Variants in PRH2 observed in about 807,000 individuals in gnomAD.
The protein encoded by PRH2 is proline rich protein HaeIII subfamily 2.
A neutral mutation model predicts 22.6 loss-of-function variants in PRH2; 19 were observed. That is an observed-to-expected ratio of 0.84 (90% confidence interval 0.59 to 1.23). The LOEUF (loss-of-function observed/expected upper bound fraction) is 1.23, where lower values mean the gene tolerates loss of function less well. Among genes scored for constraint, PRH2 ranks in the 50% most tolerant of loss-of-function variants. The pLI is 0.00. For synonymous variants in PRH2, 45 were observed against 72.0 expected (o/e 0.63, Z 1.90); for missense variants, 109 against 203.0 (o/e 0.54, Z 2.81).
chr12:10,929,334 G>T lies in PRH2; in HGVS notation c.61G>T (p.Glu21Ter), dbSNP rs748600441. The change falls in exon 1 of 4, where the codon GAA becomes TAA. Residue 21 changes from glutamate (E) to a stop codon, truncating the protein, a stop_gained. Transcript: ENST00000396400. LOFTEE classifies it high-confidence loss of function. ...CTTCAGCTCAGCTCAGGACTTAGAT[G>T]AAGGTAAGCCGAATTGGGGGAAGAT... ...LAFSSAQDLDEDVSQEDVPLV... is the reference protein window; with the variant it reads ...LAFSSAQDLD The T allele has an allele frequency of 5.6e-6, 9 of 1,614,040 alleles. No homozygotes were observed. Among genetic ancestry groups the T allele is most frequent in the South Asian group, 4.4e-5 (4 of 91,078 alleles).
chr12:10,930,549 G>A lies in PRH2; in HGVS notation c.101-113G>A, dbSNP rs191674512. 2.6e-6 allele frequency: 4 copies of A among 1,544,708 alleles called. No homozygotes were observed. The African/African-American group carries it at 5.5e-5, about 21-fold the overall frequency. On this transcript the variant is annotated intron_variant, in intron 2 of 3. Transcript: ENST00000396400. ...GCCTTGGGAAGGGGGGAGGTTGGGA[G>A]TTGAGAGGCAGGTCAGGGAGAGAGG...
At chr12:10,931,960 T>C (rs1693044662) in intron 3 of PRH2, among the ~76,000 whole-genome samples, 2 of 152,166 alleles carry the variant, frequency 1.3e-5, no homozygotes, top group African/African-American at 2.4e-5. Flanking sequence ...TTTCTGAAAA[T>C]AACCCTTAAC....
chr12:10,929,592 T>C (rs1468561830), intron 1 of PRH2, among the ~76,000 whole-genome samples: 1 of 152,108 alleles, frequency 6.6e-6, no homozygotes, highest in Non-Finnish European at 1.5e-5. Context: ...TATAGAGACA[T>C]GGGACTGCTG....
At chr12:10,930,332 T>C in intron 2 of PRH2, 28 bp downstream of exon 2, 3 of 1,602,880 alleles carry the variant, frequency 1.9e-6, no homozygotes, top group Non-Finnish European at 1.7e-6. Flanking sequence ...CTCAGTAAAC[T>C]CTGTCTCCAT....
chr12:10,930,168 T>G, intron 1 of PRH2, 101 bp from the exon 2 acceptor site: 3 of 1,347,048 alleles, frequency 2.2e-6, no homozygotes, highest in Non-Finnish European at 3.2e-6. Context: ...TCAAAGGGGA[T>G]GCACAGGGTG....
Position 10,930,314 on chromosome 12 carries a change from A to ATTT in PRH2, c.100+10_100+11insTTT. On this transcript the variant is annotated intron_variant, in intron 2 of 3. Transcript: ENST00000396400. ...CCCTTGGTAATATCAGGTAAATCCC[A>ATTT]ATAAATTCTCAGTAAACTCTGTCTC... The ATTT allele has an allele frequency of 6.2e-7, 1 of 1,609,916 alleles. No individual in the cohort carries two copies. Among genetic ancestry groups the ATTT allele is most frequent in the Non-Finnish European group, 8.5e-7 (1 of 1,176,204 alleles).
Position 10,933,524 on chromosome 12 carries a change from A to C in PRH2, c.*1317A>C, listed in dbSNP as rs1362143453. Among the ~76,000 whole-genome samples, 3 of 152,060 alleles carry C rather than the reference A, an allele frequency of 2.0e-5. No homozygotes were observed. Among genetic ancestry groups the C allele is most frequent in the African/African-American group, 7.2e-5 (3 of 41,438 alleles). ...ACAAATTAAAGTGATATATGAGTTA[A>C]ATGACCAAGCAGACTTGATTCCAGG... On this transcript the variant is annotated 3_prime_UTR_variant, in exon 4 of 4. Transcript: ENST00000396400.
At position 10,932,217 on chromosome 12, in the gene PRH2, CT is replaced by C; in HGVS notation, c.*19-4del. 1 of 436,098 alleles carries C rather than the reference CT, an allele frequency of 2.3e-6. No homozygotes were observed. The highest frequency in any genetic ancestry group is 4.7e-6 in the Non-Finnish European group (1 of 211,752). The allele number at this position is 436,098 out of a possible 1,614,324, so 27.0% of individuals were successfully genotyped here. A position where few individuals can be genotyped will look rare whatever the true frequency, so the allele number is the denominator to read the frequency against. Reference sequence around the variant, plus strand: ...AAGTCTTGCCTATAATCTTCCTTGTCTTTTTCAGGAAGTGAATAAGAAGATG... The same window carrying C: ...AAGTCTTGCCTATAATCTTCCTTGTCTTTTCAGGAAGTGAATAAGAAGATG... On this transcript the variant is annotated splice_polypyrimidine_tract_variant and splice_region_variant and intron_variant, in intron 3 of 3. Transcript: ENST00000396400.
chr12:10,930,929 GA>G lies in PRH2; in HGVS notation c.370del (p.Arg124GlyfsTer52). 1 of 1,607,866 alleles carries G rather than the reference GA, an allele frequency of 6.2e-7. No individual in the cohort carries two copies. Among genetic ancestry groups the G allele is most frequent in the Non-Finnish European group, 8.5e-7 (1 of 1,177,284 alleles). ...QQGGHPRPPR[G>X]RPQGPPQQGG... The stretch of plus-strand genomic sequence containing the variant: ...GGAGGCCATCCCCGTCCTCCTCGAG[GA>G]AGGCCACAAGGACCACCCCAACAGG... On this transcript the variant is annotated frameshift_variant, in exon 3 of 4. Coordinates refer to ENST00000396400, the MANE Select transcript of PRH2 (RefSeq NM_001110213.1). LOFTEE classifies it high-confidence loss of function.
In PRH2 at chr12:10,930,730, C is replaced by T. The variant is rs751293656; in HGVS notation, c.169C>T (p.Gln57Ter). The change falls in exon 3 of 4, where the codon CAA becomes TAA. Residue 57 changes from glutamine to a stop codon, truncating the protein, a stop_gained. Coordinates refer to ENST00000396400, the MANE Select transcript of PRH2 (RefSeq NM_001110213.1). LOFTEE classifies it high-confidence loss of function. ...QGPPLGGQQSQPSAGDGNQND... is the reference protein window; with the variant it reads ...QGPPLGGQQS ...ACCACCTTTGGGAGGACAGCAATCT[C>T]AACCCTCTGCTGGTGATGGGAACCA... 8.7e-6 allele frequency: 14 copies of T among 1,613,718 alleles called. No homozygotes were observed. Among genetic ancestry groups the T allele is most frequent in the Non-Finnish European group, 1.2e-5 (14 of 1,179,798 alleles).
rs185430491 is a variant in PRH2, at chr12:10,929,280, C to T, written c.7C>T (p.Leu3=). Reference sequence around the variant, plus strand: ...CACCAGAGCCTTCTGCAAGATGCTTCTGATTCTGCTGTCAGTGGCCCTGCT... The same window carrying T: ...CACCAGAGCCTTCTGCAAGATGCTTTTGATTCTGCTGTCAGTGGCCCTGCT... ML[L]ILLSVALLAF... The change falls in exon 1 of 4, where the codon CTG becomes TTG. Residue 3 remains leucine (L), a synonymous_variant. Transcript: ENST00000396400. 1.9e-5 allele frequency: 31 copies of T among 1,614,176 alleles called. No homozygotes were observed. The Admixed American group carries it at 4.3e-4, about 23-fold the overall frequency.
Position 10,934,542 on chromosome 12 carries a change from A to G in PRH2, c.*2335A>G, listed in dbSNP as rs1950259491. On this transcript the variant is annotated 3_prime_UTR_variant, in exon 4 of 4. Transcript: ENST00000396400. ...GAGAGAGCTCCAATGTCTAAATGCA[A>G]CGCTGACAATTTCTTCATCTATCAC... Among the ~76,000 whole-genome samples, 1 of 152,154 alleles carries G rather than the reference A, an allele frequency of 6.6e-6. No individual in the cohort carries two copies. Among genetic ancestry groups the G allele is most frequent in the African/African-American group, 2.4e-5 (1 of 41,458 alleles).
At chr12:10,930,142 A>G in intron 1 of PRH2, 127 bp from the exon 2 acceptor site, 5 of 1,098,426 alleles carry the variant, frequency 4.6e-6, no homozygotes, top group Non-Finnish European at 6.9e-6. Flanking sequence ...AGCATCAGAG[A>G]GTGGCTGATG....
Position 10,930,988 on chromosome 12 carries a change from C to T in PRH2, c.427C>T (p.Pro143Ser). Residue 143 changes from proline to serine, a missense_variant, in exon 3 of 4, where the codon CCT becomes TCT. This residue lies in a region of PRH2 where 41 missense variants were observed against 93.6 expected (regional missense o/e 0.44). Transcript: ENST00000396400. Reference sequence around the variant, plus strand: ...TCAGCAAGGTCCTCCCCCACCTCCTCCTGGAAAGCCCCAGGGACCACCTCC... The same window carrying T: ...TCAGCAAGGTCCTCCCCCACCTCCTTCTGGAAAGCCCCAGGGACCACCTCC... ...GHQQGPPPPPPGKPQGPPPQG... is the reference protein window; with the variant it reads ...GHQQGPPPPPSGKPQGPPPQG... 2.5e-6 allele frequency: 4 copies of T among 1,595,506 alleles called. No individual in the cohort carries two copies. Among genetic ancestry groups the T allele is most frequent in the Non-Finnish European group, 3.4e-6 (4 of 1,171,372 alleles).
chr12:10,932,121 G>A (rs1173118378), intron 3 of PRH2, 105 bp from the exon 4 acceptor site: 1 of 331,320 alleles, frequency 3.0e-6, no homozygotes, highest in Non-Finnish European at 6.8e-6. Context: ...AGGGATAGAG[G>A]GCAAAAGGAT....
chr12:10,933,881 T>C lies in PRH2; in HGVS notation c.*1674T>C, dbSNP rs1238394970. On this transcript the variant is annotated 3_prime_UTR_variant, in exon 4 of 4. Coordinates refer to ENST00000396400, the MANE Select transcript of PRH2 (RefSeq NM_001110213.1). ...TAAACAAGCACATAACAGAGATACA[T>C]ATATTCAAATGGAAGGAGTAAAATT... is the stretch of plus-strand genomic sequence containing the variant. Among the ~76,000 whole-genome samples the C allele has an allele frequency of 1.3e-5, 2 of 152,084 alleles. No homozygotes were observed. The highest frequency in any genetic ancestry group is 1.9e-4 in the East Asian group (1 of 5,200).
In PRH2 at chr12:10,930,706, C is replaced by G; in HGVS notation, c.145C>G (p.Pro49Ala). The change falls in exon 3 of 4, where the codon CCA becomes GCA. Residue 49 changes from proline to alanine, a missense_variant. Coordinates refer to ENST00000396400, the MANE Select transcript of PRH2 (RefSeq NM_001110213.1). Reference protein sequence around the residue: ...EQFIDEERQGPPLGGQQSQPS... With the variant: ...EQFIDEERQGAPLGGQQSQPS... ...GTTCATAGATGAGGAGCGTCAGGGA[C>G]CACCTTTGGGAGGACAGCAATCTCA... 1.2e-6 allele frequency: 2 copies of G among 1,613,840 alleles called. No individual in the cohort carries two copies. The highest frequency in any genetic ancestry group is 1.3e-5 in the African/African-American group (1 of 74,968).
chr12:10,929,864 G>A (rs1026612858), intron 1 of PRH2, among the ~76,000 whole-genome samples: 2 of 152,118 alleles, frequency 1.3e-5, no homozygotes, highest in Non-Finnish European at 2.9e-5. Flanking sequence ...GTGCTGGGAC[G>A]GGCATTTGTA....
intron 2 of PRH2, 44 bp from the exon 3 acceptor site, chr12:10,930,618 G>C (rs1446016932): frequency 6.2e-7 from 1 of 1,609,072 alleles, no homozygotes; most frequent in Non-Finnish European, 8.5e-7. Context: ...AGACAGGAGG[G>C]TTTTCCAGCA....
Sources: allele counts gnomAD v4.1 joint callset (sites outside exome capture counted in the v4.1 genomes callset), GRCh38; gene constraint gnomAD v4.1.1; regional missense constraint gnomAD v4.1.1; transcripts MANE v1.5; gene names NCBI Gene and HGNC (gene_info 2026-07-23, HGNC 2026-07-21).